SEPTIN8: variants seen among roughly 807,000 people sequenced by gnomAD.
SEPTIN8 encodes the protein septin 8, also known as septin-8.
In SEPTIN8, 22 loss-of-function variants were observed where a neutral mutation model predicts 53.1. The observed-to-expected ratio is 0.41, with a 90% CI of 0.30 to 0.59. SEPTIN8 has a LOEUF of 0.59. Among genes scored for constraint, SEPTIN8 ranks in the 20% least tolerant of loss-of-function variants. The pLI is 0.24. For synonymous variants in SEPTIN8, 228 were observed against 248.4 expected (o/e 0.92, Z 0.77); for missense variants, 536 against 638.7 (o/e 0.84, Z 1.73).
chr5:132,770,467 A>G (rs1464906564), intron 1 of SEPTIN8, among the ~76,000 whole-genome samples: 1 of 152,086 alleles, frequency 6.6e-6, no homozygotes, highest in Admixed American at 6.6e-5. Context: ...GGTGTGAGCC[A>G]CCATGCCTGG....
chr5:132,758,972 C>A, intron 9 of SEPTIN8: 1 of 811,950 alleles, frequency 1.2e-6, no homozygotes. Flanking sequence ...AGAGAATTCA[C>A]CTCAGTTTGT....
chr5:132,775,156 C>T (rs1380045541), intron 1 of SEPTIN8, among the ~76,000 whole-genome samples: 1 of 152,134 alleles, frequency 6.6e-6, no homozygotes, highest in Admixed American at 6.5e-5. Flanking sequence ...CTGGCCACCC[C>T]GCAGCTAATA....
upstream of SEPTIN8, chr5:132,778,199 T>C: frequency 8.1e-6 from 5 of 615,694 alleles, no homozygotes; most frequent in Non-Finnish European, 8.1e-6. Context: ...CCTTTCTCTC[T>C]GCTCTTTCTG....
At position 132,773,279 on chromosome 5, in the gene SEPTIN8, T is replaced by C. The variant is rs185023912; in HGVS notation, c.30+3829A>G. 6.6e-6 allele frequency among the ~76,000 whole-genome samples: 1 copy of C among 152,272 alleles called. No individual in the cohort carries two copies. The highest frequency in any genetic ancestry group is 2.4e-5 in the African/African-American group (1 of 41,550). On this transcript the variant is annotated intron_variant, in intron 1 of 9. Transcript: ENST00000378719. The surrounding 1 kb of genome is among the most constrained non-coding windows in gnomAD (Gnocchi z 4.2). ...AAGCTTTTGCCTTGGGGGCCATGCC[T>C]GGGGATCCTGAAACCCAAGCTGGCA... is the stretch of plus-strand genomic sequence containing the variant.
intron 3 of SEPTIN8, 62 bp from the exon 4 acceptor site, chr5:132,763,954 G>A: frequency 2.0e-6 from 3 of 1,475,834 alleles, no homozygotes; most frequent in South Asian, 1.4e-5. Context: ...GGGCTTGGGG[G>A]GCTCAGGGCT....
chr5:132,770,672 A>G (rs557022622), intron 1 of SEPTIN8, among the ~76,000 whole-genome samples: 2 of 152,322 alleles, frequency 1.3e-5, no homozygotes, highest in South Asian at 4.1e-4. Flanking sequence ...TTCTCAAGTC[A>G]GGAAGCCCCA....
chr5:132,770,813 G>A (rs542460722), intron 1 of SEPTIN8, among the ~76,000 whole-genome samples: 1 of 152,320 alleles, frequency 6.6e-6, no homozygotes, highest in South Asian at 2.1e-4. Flanking sequence ...AGGGGTGAGC[G>A]TTGTATATGT....
rs764405643 is a variant in SEPTIN8, at chr5:132,764,363, C to T, written c.208G>A (p.Glu70Lys). Reference protein sequence around the residue: ...LMNTLFNTTFETEEASHHEAC... With the variant: ...LMNTLFNTTFKTEEASHHEAC... ...TCATGGTGACTGGCTTCCTCAGTCT[C>T]GAAGGTCGTGTTGAAGAGTGTGTTC... Residue 70 changes from glutamate to lysine, a missense_variant, in exon 3 of 10, where the codon GAG (glutamate) becomes AAG (lysine). Physicochemically the swap from Glu to Lys is moderately conservative, Grantham distance 56. Around this residue, in one of 3 missense-constraint regions of SEPTIN8, gnomAD observed 395 missense variants for 451.8 expected, o/e 0.87. Coordinates refer to ENST00000378719, the MANE Select transcript of SEPTIN8 (RefSeq NM_001098811.2). 1.9e-6 allele frequency: 3 copies of T among 1,614,152 alleles called. No homozygotes were observed. Among genetic ancestry groups the T allele is most frequent in the East Asian group, 2.2e-5 (1 of 44,884 alleles).
At chr5:132,779,694 G>T (rs1758011857), upstream of SEPTIN8, among the ~76,000 whole-genome samples, 1 of 152,158 alleles carries the variant, frequency 6.6e-6, no homozygotes, top group Non-Finnish European at 1.5e-5. Flanking sequence ...TAAAAATAAA[G>T]ACCCTTCCCT....
chr5:132,758,750 A>G, intron 9 of SEPTIN8: 1 of 1,613,990 alleles, frequency 6.2e-7, no homozygotes, highest in South Asian at 1.1e-5. Flanking sequence ...GAAGGGTCAC[A>G]AGGTGTAACT....
At position 132,770,159 on chromosome 5, in the gene SEPTIN8, ATATATATG is replaced by A. The variant is rs1330484216; in HGVS notation, c.31-4638_31-4631del. 3.8e-4 allele frequency among the ~76,000 whole-genome samples: 48 copies of A among 127,146 alleles called. No individual in the cohort carries two copies. The East Asian group carries it at 5.0e-3, about 13-fold the overall frequency. The allele number at this position is 127,146 out of a possible 152,430, so 83.4% of individuals were successfully genotyped here. On this transcript the variant is annotated intron_variant, in intron 1 of 9. Transcript: ENST00000378719. ...TGTATGTGTGTGTATATATATATAT[ATATATATG>A]TATATATGTATATATATGTATGTAT...
upstream of SEPTIN8, chr5:132,777,474 C>T (rs372919146): frequency 4.1e-6 from 4 of 977,510 alleles, no homozygotes; most frequent in African/African-American, 5.2e-5. The surrounding 1 kb of genome is among the most constrained non-coding windows in gnomAD (Gnocchi z 4.1). Context: ...ACGGCAGTGT[C>T]GGGGGGCTCG....
chr5:132,765,331 C>T, intron 2 of SEPTIN8, 78 bp downstream of exon 2: 2 of 1,550,612 alleles, frequency 1.3e-6, no homozygotes, highest in Non-Finnish European at 1.8e-6. Context: ...CCTTGCAGCT[C>T]AACAGGGGGC....
Position 132,761,540 on chromosome 5 carries a change from T to C in SEPTIN8, c.880A>G (p.Ser294Gly). 1.2e-6 allele frequency: 2 copies of C among 1,613,984 alleles called. No homozygotes were observed. Among genetic ancestry groups the C allele is most frequent in the Non-Finnish European group, 1.7e-6 (2 of 1,180,022 alleles). The stretch of plus-strand genomic sequence containing the variant: ...CGCCGGTAGAGCTCGTAGTGCCGGC[T>C]GTGGGTCTGCTCGCGGAGGTCTTCC... ...NMEDLREQTHSRHYELYRRCK... is the reference protein window; with the variant it reads ...NMEDLREQTHGRHYELYRRCK... Residue 294 changes from serine (S) to glycine (G), a missense_variant, in exon 7 of 10, where the codon AGC becomes GGC. By Grantham distance (56) the Ser-to-Gly change is moderately conservative (BLOSUM62 0). Around this residue, in one of 3 missense-constraint regions of SEPTIN8, gnomAD observed 395 missense variants for 451.8 expected, o/e 0.87. Transcript: ENST00000378719. This position sits in a 1 kb window ranked among gnomAD's most constrained non-coding sequence, Gnocchi z 5.8.
chr5:132,779,435 T>G (rs1758005247), upstream of SEPTIN8, among the ~76,000 whole-genome samples: 1 of 152,194 alleles, frequency 6.6e-6, no homozygotes, highest in Non-Finnish European at 1.5e-5. Flanking sequence ...AATATGCATT[T>G]TCTGTGCAAA....
chr5:132,754,671 A>G (rs1268346893), intron 9 of SEPTIN8, among the ~76,000 whole-genome samples: 1 of 152,140 alleles, frequency 6.6e-6, no homozygotes, highest in Non-Finnish European at 1.5e-5. Context: ...TAAAAATCTT[A>G]TGTGCTTTTC....
rs924665038 is a variant in SEPTIN8, at chr5:132,756,981, C to T, written c.1286+3821G>A. The T allele has an allele frequency of 8.1e-6, 8 of 985,304 alleles. No homozygotes were observed. The Admixed American group carries it at 4.9e-4, about 61-fold the overall frequency. The allele number at this position is 985,304 out of a possible 1,614,324, so 61.0% of individuals were successfully genotyped here. On this transcript the variant is annotated intron_variant, in intron 9 of 9. Transcript: ENST00000378719. ...TCATGCTCTGACCCAACTGCATACA[C>T]TTTCAGACATAAAATTACCCTAGAG...
chr5:132,774,556 A>G (rs1757617255), intron 1 of SEPTIN8, among the ~76,000 whole-genome samples: 1 of 152,184 alleles, frequency 6.6e-6, no homozygotes, highest in Admixed American at 6.5e-5. Context: ...CCCTTACCCC[A>G]ATACTGATCT....
Position 132,764,116 on chromosome 5 carries a change from A to G in SEPTIN8, c.347+108T>C, listed in dbSNP as rs1334274338. 11 of 1,220,682 alleles carry G rather than the reference A, an allele frequency of 9.0e-6. No homozygotes were observed. In the East Asian group the frequency reaches 1.9e-4, roughly 21 times the overall value. The allele number at this position is 1,220,682 out of a possible 1,614,324, so 75.6% of individuals were successfully genotyped here. On this transcript the variant is annotated intron_variant, in intron 3 of 9. Transcript: ENST00000378719. ...ACCACAGAGCCTCAGATATTCCCCA[A>G]GAGGCCCTCCCTGGCCCCCTGCAGT...
Sources: allele counts gnomAD v4.1 joint callset (sites outside exome capture counted in the v4.1 genomes callset), GRCh38; gene constraint gnomAD v4.1.1; regional missense constraint gnomAD v4.1.1; non-coding constraint Gnocchi (gnomAD v3.1); transcripts MANE v1.5; gene names NCBI Gene and HGNC (gene_info 2026-07-23, HGNC 2026-07-21).